Variants in LNX1 observed in about 807,000 individuals in gnomAD.
LNX1 encodes the protein ligand of numb-protein X 1.
LNX1 carries 54 observed loss-of-function variants against 68.4 expected under a neutral mutation model. That is an observed-to-expected ratio of 0.79 (90% confidence interval 0.63 to 0.99). LNX1 has a LOEUF of 0.99. Among genes scored for constraint, LNX1 ranks in the 50% least tolerant of loss-of-function variants. LNX1 has a pLI of 0.00. For missense variants in LNX1, 906 were observed against 926.4 expected, an observed-to-expected ratio of 0.98 and a Z score of 0.29; for synonymous variants, 336 against 350.0, an observed-to-expected ratio of 0.96 and a Z score of 0.45.
At position 53,589,548 on chromosome 4, in the gene LNX1, C is replaced by T. The variant is rs1004646347; in HGVS notation, c.-87+1840G>A. On this transcript the variant is annotated intron_variant, in intron 1 of 10. Transcript: ENST00000263925. ...GCACCAGTTAACACCAGGCATTGGT[C>T]GCTGGATGCTAACATATATTAGCTA... Among the ~76,000 whole-genome samples the T allele has an allele frequency of 9.8e-5, 15 of 152,340 alleles. No homozygotes were observed. The East Asian group carries it at 2.7e-3, about 27-fold the overall frequency.
At chr4:53,541,769 T>C (rs1180096950) in intron 2 of LNX1, among the ~76,000 whole-genome samples, 2 of 152,076 alleles carry the variant, frequency 1.3e-5, no homozygotes, top group African/African-American at 4.8e-5. Flanking sequence ...GCCAAGAAGC[T>C]TGAAGGAACA....
chr4:53,615,011 T>G (rs902350524), intron 2 of LNX1, among the ~76,000 whole-genome samples: 3 of 152,136 alleles, frequency 2.0e-5, no homozygotes, highest in African/African-American at 7.2e-5. Context: ...GAATAAAATA[T>G]ATTTTTCCTT....
intron 4 of LNX1, among the ~76,000 whole-genome samples, chr4:53,504,652 T>A (rs1234934318): frequency 1.3e-5 from 2 of 152,244 alleles, no homozygotes; most frequent in Non-Finnish European, 2.9e-5. Context: ...CAATATGCCT[T>A]CCTTACCAAG....
intron 1 of LNX1, among the ~76,000 whole-genome samples, chr4:53,651,260 C>T (rs562451038): frequency 2.6e-5 from 4 of 152,290 alleles, no homozygotes; most frequent in South Asian, 2.1e-4. Context: ...ATGTTGAGCT[C>T]GTTTGAAGCT....
At chr4:53,568,187 C>A (rs1439652540) in intron 2 of LNX1, among the ~76,000 whole-genome samples, 1 of 151,920 alleles carries the variant, frequency 6.6e-6, no homozygotes, top group African/African-American at 2.4e-5. Context: ...GGCAGAGACA[C>A]AACCAAAAAA....
At chr4:53,510,457 C>G (rs1726245725) in intron 2 of LNX1, among the ~76,000 whole-genome samples, 1 of 152,224 alleles carries the variant, frequency 6.6e-6, no homozygotes, top group Non-Finnish European at 1.5e-5. Flanking sequence ...AGGCCTCCAA[C>G]TTACACTGCT....
At chr4:53,507,495 G>A (rs774830435) in intron 3 of LNX1, 26 bp from the exon 4 acceptor site, 10 of 1,609,022 alleles carry the variant, frequency 6.2e-6, no homozygotes, top group Middle Eastern at 1.7e-4. Context: ...AGGAGGAACA[G>A]TAGTTATGAT....
chr4:53,626,297 A>G (rs759632502), intron 1 of LNX1, among the ~76,000 whole-genome samples: 6 of 152,206 alleles, frequency 3.9e-5, no homozygotes, highest in African/African-American at 7.2e-5. Context: ...GGTCATAAAA[A>G]TGTTCTGAAA....
Position 53,481,860 on chromosome 4 carries a change from C to T in LNX1, c.1351-6G>A, listed in dbSNP as rs772010280. 2 of 1,580,282 alleles carry T rather than the reference C, an allele frequency of 1.3e-6. No individual in the cohort carries two copies. Among genetic ancestry groups the T allele is most frequent in the South Asian group, 2.3e-5 (2 of 87,126 alleles). ...TGAACACGTCTTTCACTGGCCTGGGCAAGAAGACACAGGCATTAGCCACTG... is the reference window on the plus strand; with the variant it reads ...TGAACACGTCTTTCACTGGCCTGGGTAAGAAGACACAGGCATTAGCCACTG... On this transcript the variant is annotated splice_polypyrimidine_tract_variant and splice_region_variant and intron_variant, in intron 6 of 10. Transcript: ENST00000263925.
chr4:53,581,424 C>T (rs944402681), intron 1 of LNX1, among the ~76,000 whole-genome samples: 2 of 152,040 alleles, frequency 1.3e-5, no homozygotes, highest in Non-Finnish European at 1.5e-5. Context: ...TTTCCAAAAA[C>T]CTTCCTCTTT....
chr4:53,623,950 A>C (rs1733978857), intron 1 of LNX1, among the ~76,000 whole-genome samples: 1 of 152,168 alleles, frequency 6.6e-6, no homozygotes, highest in Admixed American at 6.5e-5. Flanking sequence ...ACTTGCATCA[A>C]AAGATCTGTA....
At position 53,498,671 on chromosome 4, in the gene LNX1, G is replaced by A; in HGVS notation, c.948C>T (p.Gly316=). The part of the protein sequence containing the change: ...IYRDGVIARD[G]RLLPGDIILK... ...GAATGATGTCTCCTGGCAGTAGCCGGCCGTCTCTGGCGATCACCCCATCAC... is the reference window on the plus strand; with the variant it reads ...GAATGATGTCTCCTGGCAGTAGCCGACCGTCTCTGGCGATCACCCCATCAC... The change falls in exon 5 of 11, where the codon GGC becomes GGT. Residue 316 remains glycine (G), a synonymous_variant. Coordinates refer to ENST00000263925, the MANE Select transcript of LNX1 (RefSeq NM_001126328.3). 1.2e-6 allele frequency: 2 copies of A among 1,613,914 alleles called. No homozygotes were observed. Among genetic ancestry groups the A allele is most frequent in the Non-Finnish European group, 1.7e-6 (2 of 1,179,842 alleles).
intron 1 of LNX1, among the ~76,000 whole-genome samples, chr4:53,632,072 AG>A (rs1410867137): frequency 1.3e-5 from 2 of 152,056 alleles, no homozygotes; most frequent in African/African-American, 4.8e-5. Context: ...CCTGGAGTGG[AG>A]GGAGGTGGGT....
chr4:53,627,871 G>T (rs570191537), intron 1 of LNX1, among the ~76,000 whole-genome samples: 14 of 152,324 alleles, frequency 9.2e-5, no homozygotes, highest in African/African-American at 3.4e-4. Context: ...CCCTTTGGGA[G>T]ATTTGAAGAT....
At position 53,638,592 on chromosome 4, in the gene LNX1, T is replaced by C. The variant is rs76984661; in HGVS notation, c.-215+13576A>G. 2.3e-3 allele frequency among the ~76,000 whole-genome samples: 351 copies of C among 152,326 alleles called. 10 individuals carry two copies. In the East Asian group the frequency reaches 0.062, roughly 27 times the overall value. On this transcript the variant is annotated intron_variant, in intron 1 of 2. Coordinates refer to the LNX1 transcript ENST00000507168. ...TTTGCAGACTACTTAGTGCCCCGTT[T>C]TTCCTCATTTTTGTGCTCTTCATTG...
chr4:53,461,520 C>T lies in LNX1; in HGVS notation c.1966G>A (p.Gly656Ser). 1.2e-6 allele frequency: 2 copies of T among 1,611,422 alleles called. No individual in the cohort carries two copies. The highest frequency in any genetic ancestry group is 1.7e-6 in the Non-Finnish European group (2 of 1,177,986). Reference sequence around the variant, plus strand: ...TTGTTTCCATTGTATTCTTCATAACCTCCTACAATGCAGAAGCCCAGACTT... The same window carrying T: ...TTGTTTCCATTGTATTCTTCATAACTTCCTACAATGCAGAAGCCCAGACTT... ...AGSLGFCIVGGYEEYNGNKPF... is the reference protein window; with the variant it reads ...AGSLGFCIVGSYEEYNGNKPF... The change falls in exon 10 of 11, where the codon GGT becomes AGT. Residue 656 changes from glycine to serine, a missense_variant. Physicochemically the swap from Gly to Ser is moderately conservative, Grantham distance 56. Coordinates refer to ENST00000263925, the MANE Select transcript of LNX1 (RefSeq NM_001126328.3).
intron 6 of LNX1, among the ~76,000 whole-genome samples, chr4:53,488,758 C>T (rs1482333052): frequency 6.6e-6 from 1 of 152,120 alleles, no homozygotes; most frequent in Non-Finnish European, 1.5e-5. Context: ...CCCCTGAGAC[C>T]ACATGATGCC....
At chr4:53,557,971 G>C in intron 2 of LNX1, 1 of 1,613,492 alleles carries the variant, frequency 6.2e-7, no homozygotes, top group Non-Finnish European at 8.5e-7. Flanking sequence ...TTCATTCTCC[G>C]AGCAGTGTGC....
intron 1 of LNX1, among the ~76,000 whole-genome samples, chr4:53,647,859 C>T (rs79162003): frequency 5.9e-5 from 9 of 152,172 alleles, no homozygotes; most frequent in South Asian, 2.1e-4. Context: ...GGAATTATAT[C>T]GTATTTGTCC....
Sources: allele counts gnomAD v4.1 joint callset (sites outside exome capture counted in the v4.1 genomes callset), GRCh38; gene constraint gnomAD v4.1.1; transcripts MANE v1.5; gene names NCBI Gene and HGNC (gene_info 2026-07-23, HGNC 2026-07-21).